PRDM16: variants seen among roughly 807,000 people sequenced by gnomAD.
The protein encoded by PRDM16 is PR/SET domain 16, also known as histone-lysine N-methyltransferase PRDM16.
In PRDM16, 23 loss-of-function variants were observed where a neutral mutation model predicts 110.6. That is an observed-to-expected ratio of 0.21 (90% CI 0.15 to 0.29). The LOEUF (loss-of-function observed/expected upper bound fraction) is 0.29, where lower values mean the gene tolerates loss of function less well. PRDM16 is among the 10% of genes least tolerant of loss of function. PRDM16 has a pLI of 1.00. For synonymous variants in PRDM16, 799 were observed against 781.8 expected (o/e 1.02, Z -0.37); for missense variants, 1,615 against 1,794.3 (o/e 0.90, Z 1.81).
chr1:3,363,661 A>G (rs906954500), intron 3 of PRDM16, among the ~76,000 whole-genome samples: 1 of 152,120 alleles, frequency 6.6e-6, no homozygotes, highest in Non-Finnish European at 1.5e-5. Flanking sequence ...CCCCTTGGAA[A>G]CAAGCCCCCA....
chr1:3,074,596 TG>T (rs1005280002), intron 1 of PRDM16, among the ~76,000 whole-genome samples: 1 of 151,960 alleles, frequency 6.6e-6, no homozygotes, highest in Non-Finnish European at 1.5e-5. Context: ...CCACAGCTCC[TG>T]CCCCTTCTGT....
chr1:3,186,673 C>T, intron 2 of PRDM16, 199 bp downstream of exon 2: 1 of 519,836 alleles, frequency 1.9e-6, no homozygotes, highest in Non-Finnish European at 3.4e-6. Context: ...CTCGTGGGTG[C>T]CTGTCAGCCC....
rs886442800 is a variant in PRDM16 at position 3,081,333 on chromosome 1, G to C, written c.37+12037G>C. ...TTCCAGAGGGTTTTAGGTTGCGTCC[G>C]CTCCTGACAGGTGACCCTTGTTCAA... On this transcript the variant is annotated intron_variant, in intron 1 of 16. Coordinates refer to ENST00000270722, the MANE Select transcript of PRDM16 (RefSeq NM_022114.4). The surrounding 1 kb of genome is among the most constrained non-coding windows in gnomAD (Gnocchi z 4.6). Among the ~76,000 whole-genome samples the C allele has an allele frequency of 6.6e-6, 1 of 152,166 alleles. No homozygotes were observed. Among genetic ancestry groups the C allele is most frequent in the Non-Finnish European group, 1.5e-5 (1 of 68,028 alleles).
At chr1:3,192,373 G>A (rs1277494752) in intron 2 of PRDM16, among the ~76,000 whole-genome samples, 1 of 152,188 alleles carries the variant, frequency 6.6e-6, no homozygotes, top group Non-Finnish European at 1.5e-5. Context: ...ACACTTCCAG[G>A]CTCTGGATTA....
In PRDM16 at chr1:3,300,220, G is replaced by A. The variant is rs533413084; in HGVS notation, c.438+56083G>A. ...GAAGATGCTATGCTGTGGCAGTGAT[G>A]TTTCCGATCCCAGTCGTGGTGGCTC... On this transcript the variant is annotated intron_variant, in intron 3 of 16. Coordinates refer to ENST00000270722, the MANE Select transcript of PRDM16 (RefSeq NM_022114.4). Among the ~76,000 whole-genome samples, 16 of 102,688 alleles carry A rather than the reference G, an allele frequency of 1.6e-4. 3 individuals are homozygous for A. In the South Asian group the frequency reaches 5.0e-3, roughly 32 times the overall value. The allele number at this position is 102,688 out of a possible 152,430, so 67.4% of individuals were successfully genotyped here. A position where few individuals can be genotyped will look rare whatever the true frequency, so the allele number is the denominator to read the frequency against.
At chr1:3,181,666 AGTCTTACACGCGC>A (rs1644197007) in intron 1 of PRDM16, among the ~76,000 whole-genome samples, 1 of 133,046 alleles carries the variant, frequency 7.5e-6, no homozygotes, top group African/African-American at 2.9e-5. Flanking sequence ...GGTCTTACAC[AGTCTTACACGCGC>A]AGTCTTACAC....
chr1:3,424,136 T>C (rs1318567720), intron 12 of PRDM16, among the ~76,000 whole-genome samples: 5 of 152,168 alleles, frequency 3.3e-5, no homozygotes, highest in Admixed American at 3.3e-4. Context: ...GGGAGGAGGC[T>C]GTCTTCACAG....
Position 3,438,042 on chromosome 1 carries a change from GT to G in PRDM16, c.*4237del, listed in dbSNP as rs1275870852. The G allele has an allele frequency of 2.4e-5, 5 of 206,320 alleles. No homozygotes were observed. The highest frequency in any genetic ancestry group is 5.9e-5 in the Admixed American group (1 of 16,854). The allele number at this position is 206,320 out of a possible 1,614,324, so 12.8% of individuals were successfully genotyped here. On this transcript the variant is annotated 3_prime_UTR_variant, in exon 17 of 17. Coordinates refer to ENST00000270722, the MANE Select transcript of PRDM16 (RefSeq NM_022114.4). Reference sequence around the variant, plus strand: ...ATTTGGTTTAGTTTTGTTTTGTTTTGTTTTTTCTTTTAGAACTGTATAGTAT... The same window carrying G: ...ATTTGGTTTAGTTTTGTTTTGTTTTGTTTTTCTTTTAGAACTGTATAGTAT...
intron 4 of PRDM16, among the ~76,000 whole-genome samples, chr1:3,388,333 A>C (rs1284139510): frequency 6.6e-6 from 1 of 151,966 alleles, no homozygotes. Flanking sequence ...TCAAGATTGC[A>C]CACACACCCC....
rs1569974065 is a variant in PRDM16, at chr1:3,275,320, G to A, written c.438+31183G>A. ...TCCCGGAAAGGATCAACCGGATATC[G>A]GGAATGAAAAAGTGGGGGCACCCCG... On this transcript the variant is annotated intron_variant, in intron 3 of 16. Coordinates refer to ENST00000270722, the MANE Select transcript of PRDM16 (RefSeq NM_022114.4). Among the ~76,000 whole-genome samples, 5 of 152,316 alleles carry A rather than the reference G, an allele frequency of 3.3e-5. No individual in the cohort carries two copies. The South Asian group carries it at 8.3e-4, about 25-fold the overall frequency.
chr1:3,324,161 T>C (rs118127661), intron 3 of PRDM16, among the ~76,000 whole-genome samples: 3,576 of 151,792 alleles, frequency 0.024, 202 homozygotes, highest in East Asian at 0.15. Flanking sequence ...CCTCCAGGGG[T>C]CTCCGTCTCT....
intron 3 of PRDM16, among the ~76,000 whole-genome samples, chr1:3,329,903 G>A (rs973015609): frequency 6.6e-6 from 1 of 152,260 alleles, no homozygotes; most frequent in African/African-American, 2.4e-5. Context: ...GGGCTGAGCC[G>A]AGTCCCGCCA....
chr1:3,405,784 TTC>T, intron 8 of PRDM16, 136 bp downstream of exon 8: 1 of 856,058 alleles, frequency 1.2e-6, no homozygotes, highest in East Asian at 3.1e-5. Context: ...TCATGGCAGG[TTC>T]TGACATCTCT....
At chr1:3,293,187 C>G (rs573090624) in intron 3 of PRDM16, among the ~76,000 whole-genome samples, 2 of 152,328 alleles carry the variant, frequency 1.3e-5, no homozygotes, top group South Asian at 2.1e-4. Flanking sequence ...GGCAGAGTTA[C>G]CAGCAATGAA....
intron 3 of PRDM16, among the ~76,000 whole-genome samples, chr1:3,277,632 C>T (rs1186608614): frequency 2.0e-5 from 3 of 152,334 alleles, no homozygotes; most frequent in South Asian, 4.1e-4. Context: ...TCTCAAAGGT[C>T]GGGGACTGGG....
intron 3 of PRDM16, among the ~76,000 whole-genome samples, chr1:3,319,252 G>A (rs923970277): frequency 6.6e-6 from 1 of 152,216 alleles, no homozygotes; most frequent in Non-Finnish European, 1.5e-5. Context: ...GGATCATTGG[G>A]TCTAAAGTAT....
chr1:3,294,194 C>A (rs1641037678), intron 3 of PRDM16, among the ~76,000 whole-genome samples: 1 of 151,670 alleles, frequency 6.6e-6, no homozygotes, highest in Non-Finnish European at 1.5e-5. Flanking sequence ...TAGAACCTGC[C>A]TACCAGGTAA....
At chr1:3,075,404 C>T (rs1471388812) in intron 1 of PRDM16, among the ~76,000 whole-genome samples, 3 of 152,240 alleles carry the variant, frequency 2.0e-5, no homozygotes, top group African/African-American at 7.2e-5. Context: ...AGTTCCTCGT[C>T]CCCTGGGGAC....
chr1:3,398,069 G>A (rs1232115885), intron 5 of PRDM16, among the ~76,000 whole-genome samples: 1 of 152,176 alleles, frequency 6.6e-6, no homozygotes, highest in East Asian at 1.9e-4. Flanking sequence ...ATAGCAGGGG[G>A]GAGGGCCTCA....
Sources: allele counts gnomAD v4.1 joint callset (sites outside exome capture counted in the v4.1 genomes callset), GRCh38; gene constraint gnomAD v4.1.1; non-coding constraint Gnocchi (gnomAD v3.1); transcripts MANE v1.5; gene names NCBI Gene and HGNC (gene_info 2026-07-23, HGNC 2026-07-21).